Variants in RAP1GAP2 observed in about 807,000 individuals in gnomAD.
RAP1GAP2 encodes the protein RAP1 GTPase activating protein 2, also known as rap1 GTPase-activating protein 2.
In RAP1GAP2, 27 loss-of-function variants were observed where a neutral mutation model predicts 95.0. The ratio of observed to expected loss-of-function variants is 0.28; its 90% CI spans 0.21 to 0.39. The LOEUF (loss-of-function observed/expected upper bound fraction) is 0.39. Ranked by LOEUF, RAP1GAP2 falls within the 10% of genes least tolerant of loss-of-function variation. The pLI, the probability that RAP1GAP2 is intolerant of heterozygous loss-of-function variation, is 1.00. For synonymous variants in RAP1GAP2, 373 were observed against 380.9 expected (o/e 0.98, Z 0.24); for missense variants, 771 against 970.0 (o/e 0.79, Z 2.72).
chr17:2,879,117 CT>C (rs67861792), intron 2 of RAP1GAP2, among the ~76,000 whole-genome samples: 117,963 of 140,820 alleles, frequency 0.84, 49,563 homozygotes, highest in Admixed American at 0.89. Context: ...CCAAGCCCTT[CT>C]TTTTTTTTTT....
chr17:2,890,767 C>T (rs2073684507), intron 2 of RAP1GAP2, among the ~76,000 whole-genome samples: 1 of 151,326 alleles, frequency 6.6e-6, no homozygotes, highest in African/African-American at 2.4e-5. Context: ...TCACTGCAAG[C>T]TCCGCCTCCT....
intron 2 of RAP1GAP2, among the ~76,000 whole-genome samples, chr17:2,833,705 A>G (rs2071008704): frequency 6.7e-6 from 1 of 150,332 alleles, no homozygotes; most frequent in Non-Finnish European, 1.5e-5. Context: ...AAAAAAAAAA[A>G]AAAAAAGAAA....
In RAP1GAP2 at chr17:2,855,907, C is replaced by T. The variant is rs2072114087; in HGVS notation, c.81-49377C>T. On this transcript the variant is annotated intron_variant, in intron 2 of 24. Transcript: ENST00000254695. The surrounding 1 kb of genome is among the most constrained non-coding windows in gnomAD (Gnocchi z 4.3). ...GGGATTACAGGCATGAGCCACCGTG[C>T]CCGGCTGAAGTGAATCTATTTAATA... Among the ~76,000 whole-genome samples the T allele has an allele frequency of 6.6e-6, 1 of 152,212 alleles. No homozygotes were observed. Among genetic ancestry groups the T allele is most frequent in the Non-Finnish European group, 1.5e-5 (1 of 68,046 alleles).
chr17:2,803,247 G>A (rs376546725), intron 2 of RAP1GAP2, among the ~76,000 whole-genome samples: 16 of 152,332 alleles, frequency 1.1e-4, no homozygotes, highest in African/African-American at 3.4e-4. Context: ...CTGGGAAGGC[G>A]ATATTGGGAT....
rs1251131330 is a variant in RAP1GAP2 at position 2,889,886 on chromosome 17, TATA to T, written c.81-15397_81-15395del. 3.1e-3 allele frequency among the ~76,000 whole-genome samples: 182 copies of T among 59,294 alleles called. 2 individuals carry two copies. Among genetic ancestry groups the T allele is most frequent in the Middle Eastern group, 0.015 (2 of 132 alleles). The allele number at this position is 59,294 out of a possible 152,430, so 38.9% of individuals were successfully genotyped here. On this transcript the variant is annotated intron_variant, in intron 2 of 24. Coordinates refer to ENST00000254695, the MANE Select transcript of RAP1GAP2 (RefSeq NM_015085.5). ...GTGTATATATATATATATATATATATATATTTTTTTTTTTTTTTGTAGAGATGG... is the reference window on the plus strand; with the variant it reads ...GTGTATATATATATATATATATATATTTTTTTTTTTTTTTTGTAGAGATGG...
At chr17:2,927,364 A>G (rs552025541) in intron 3 of RAP1GAP2, among the ~76,000 whole-genome samples, 485 of 151,470 alleles carry the variant, frequency 3.2e-3, no homozygotes, top group East Asian at 5.9e-3. Flanking sequence ...CGTGTTAGCC[A>G]GGATGGTCTC....
chr17:2,856,232 C>G lies in RAP1GAP2; in HGVS notation c.81-49052C>G, dbSNP rs73310088. Among the ~76,000 whole-genome samples the G allele has an allele frequency of 1.7e-3, 265 of 152,250 alleles. 1 individual carries two copies. Among genetic ancestry groups the G allele is most frequent in the African/African-American group, 6.0e-3 (250 of 41,526 alleles). On this transcript the variant is annotated intron_variant, in intron 2 of 24. Coordinates refer to ENST00000254695, the MANE Select transcript of RAP1GAP2 (RefSeq NM_015085.5). ...TTGATAGAAAGGCAGATGCGTGGGA[C>G]CAATTCCTGATTCTGAGTATAGAAT...
At chr17:2,924,150 C>T (rs1380374469) in intron 3 of RAP1GAP2, among the ~76,000 whole-genome samples, 1 of 152,144 alleles carries the variant, frequency 6.6e-6, no homozygotes, top group Non-Finnish European at 1.5e-5. Flanking sequence ...GAGTTTGGCT[C>T]CCTGCTTTGA....
chr17:2,934,334 G>C (rs1219427926), intron 3 of RAP1GAP2, among the ~76,000 whole-genome samples: 1 of 152,216 alleles, frequency 6.6e-6, no homozygotes, highest in African/African-American at 2.4e-5. Context: ...GTTTCACCAT[G>C]TTGACCAGGC....
At chr17:3,018,248 C>A in intron 18 of RAP1GAP2, 50 bp downstream of exon 18, 2 of 1,518,584 alleles carry the variant, frequency 1.3e-6, no homozygotes, top group Non-Finnish European at 1.8e-6. Flanking sequence ...GGGAGGCCCC[C>A]CCCAGACCTA....
intron 1 of RAP1GAP2, among the ~76,000 whole-genome samples, chr17:2,790,784 C>T (rs1478725869): frequency 1.3e-5 from 2 of 152,360 alleles, no homozygotes; most frequent in East Asian, 1.9e-4. Context: ...ACCACATTGT[C>T]CCTTCCTCCC....
At chr17:2,865,498 T>C (rs2072581749) in intron 2 of RAP1GAP2, among the ~76,000 whole-genome samples, 1 of 152,228 alleles carries the variant, frequency 6.6e-6, no homozygotes, top group Non-Finnish European at 1.5e-5. Context: ...CTTCTCGATA[T>C]GAACTGGAAG....
intron 17 of RAP1GAP2, among the ~76,000 whole-genome samples, chr17:3,015,726 A>C (rs543350687): frequency 6.6e-6 from 1 of 152,210 alleles, no homozygotes; most frequent in South Asian, 2.1e-4. Context: ...CTGAGGCAGG[A>C]GAATCTCTTG....
intron 1 of RAP1GAP2, among the ~76,000 whole-genome samples, chr17:2,799,728 A>G (rs1257671692): frequency 6.6e-6 from 1 of 152,178 alleles, no homozygotes; most frequent in Non-Finnish European, 1.5e-5. Context: ...CCCTTCCACA[A>G]GAGGAGATAC....
intron 2 of RAP1GAP2, among the ~76,000 whole-genome samples, chr17:2,843,126 C>T (rs1417571585): frequency 2.6e-5 from 4 of 152,020 alleles, no homozygotes; most frequent in Non-Finnish European, 4.4e-5. Flanking sequence ...CAACAAAAAA[C>T]CCAAAACCTC....
At position 3,012,343 on chromosome 17, in the gene RAP1GAP2, C is replaced by T. The variant is rs143216905; in HGVS notation, c.1494+4198C>T. ...TATAAAGACTGAACGTTTGGCTGGGCGCGGTGGCTCACGTCTGTAATCCCA... is the reference window on the plus strand; with the variant it reads ...TATAAAGACTGAACGTTTGGCTGGGTGCGGTGGCTCACGTCTGTAATCCCA... On this transcript the variant is annotated intron_variant, in intron 17 of 24. Transcript: ENST00000254695. Among the ~76,000 whole-genome samples the T allele has an allele frequency of 2.4e-4, 36 of 151,932 alleles. No individual in the cohort carries two copies. The East Asian group carries it at 6.2e-3, about 26-fold the overall frequency.
At chr17:3,026,512 C>T in intron 21 of RAP1GAP2, 48 bp downstream of exon 21, 3 of 1,385,916 alleles carry the variant, frequency 2.2e-6, no homozygotes, top group Non-Finnish European at 2.9e-6. Flanking sequence ...GGGCGTCAGC[C>T]AGCCACCCTC....
At position 2,963,407 on chromosome 17, in the gene RAP1GAP2, G is replaced by T. The variant is rs527350012; in HGVS notation, c.247-23G>T. 6.4e-5 allele frequency: 104 copies of T among 1,613,548 alleles called. No individual in the cohort carries two copies. The South Asian group carries it at 1.1e-3, about 17-fold the overall frequency. ...ACGGGCACTGCCGGGACTAACGGTG[G>T]CATCATCTGGTTTGTCTTGCAGGAC... On this transcript the variant is annotated intron_variant, in intron 5 of 24. Coordinates refer to ENST00000254695, the MANE Select transcript of RAP1GAP2 (RefSeq NM_015085.5). The surrounding 1 kb of genome is among the most constrained non-coding windows in gnomAD (Gnocchi z 4.8).
At chr17:2,944,018 C>A (rs150723195) in intron 3 of RAP1GAP2, among the ~76,000 whole-genome samples, 2,123 of 151,990 alleles carry the variant, frequency 0.014, 23 homozygotes, top group Middle Eastern at 0.051. Flanking sequence ...ATGGTGGTGT[C>A]CGCCCCTGTA....
Sources: gnomAD v4.1 joint callset for allele counts (sites outside exome capture counted in the v4.1 genomes callset) on GRCh38, gnomAD v4.1.1 for gene constraint, Gnocchi (gnomAD v3.1) non-coding constraint, MANE v1.5 for transcripts, NCBI Gene and HGNC (gene_info 2026-07-23, HGNC 2026-07-21) for gene names.